The following ADAMTS3 variants were observed in gnomAD, a reference collection of about 807,000 sequenced individuals.
The protein encoded by ADAMTS3 is ADAM metallopeptidase with thrombospondin type 1 motif 3, also known as A disintegrin and metalloproteinase with thrombospondin motifs 3.
In ADAMTS3, 73 loss-of-function variants were observed where a neutral mutation model predicts 129.0. The ratio of observed to expected loss-of-function variants is 0.57; its 90% CI spans 0.47 to 0.69. ADAMTS3 has a LOEUF of 0.69. Among genes scored for constraint, ADAMTS3 ranks in the 30% least tolerant of loss-of-function variants. The pLI is 0.00. For synonymous variants in ADAMTS3, 477 were observed against 510.8 expected (o/e 0.93, Z 0.89); for missense variants, 1,457 against 1,514.5 (o/e 0.96, Z 0.63).
At chr4:72,344,091 G>A (rs1340763493) in intron 4 of ADAMTS3, among the ~76,000 whole-genome samples, 1 of 152,076 alleles carries the variant, frequency 6.6e-6, no homozygotes, top group Non-Finnish European at 1.5e-5. Context: ...GAATTTTTGA[G>A]AGGCATATAG....
intron 10 of ADAMTS3, among the ~76,000 whole-genome samples, chr4:72,317,588 CG>C (rs1560470002): frequency 5.3e-5 from 8 of 151,480 alleles, no homozygotes; most frequent in African/African-American, 1.9e-4. Flanking sequence ...AACATATATA[CG>C]TGCCTTTCTT....
intron 4 of ADAMTS3, among the ~76,000 whole-genome samples, chr4:72,406,734 A>T (rs1442012761): frequency 6.6e-6 from 1 of 152,168 alleles, no homozygotes; most frequent in Non-Finnish European, 1.5e-5. Flanking sequence ...ACAAATCCAA[A>T]TAAAGTAGGG....
intron 3 of ADAMTS3, among the ~76,000 whole-genome samples, chr4:72,483,486 T>C (rs1239067820): frequency 2.0e-5 from 3 of 152,154 alleles, no homozygotes; most frequent in East Asian, 1.9e-4. Flanking sequence ...TTTCTCTTTT[T>C]CCAAAAGAGT....
intron 12 of ADAMTS3, among the ~76,000 whole-genome samples, chr4:72,313,471 G>A (rs1049806154): frequency 5.9e-5 from 9 of 152,172 alleles, no homozygotes; most frequent in Middle Eastern, 3.4e-3. Context: ...TTCAATCTTC[G>A]TTTGATCTTC....
At chr4:72,490,299 G>A (rs538532522) in intron 3 of ADAMTS3, among the ~76,000 whole-genome samples, 2 of 151,956 alleles carry the variant, frequency 1.3e-5, no homozygotes, top group Admixed American at 6.6e-5. Context: ...CTCCCATTCT[G>A]TTGGTTATCT....
chr4:72,433,721 TAGTA>T (rs1438070469), intron 3 of ADAMTS3, among the ~76,000 whole-genome samples: 2 of 151,892 alleles, frequency 1.3e-5, no homozygotes, highest in African/African-American at 4.8e-5. Context: ...ATCTTGGTAA[TAGTA>T]AGCTTACATA....
chr4:72,399,390 G>A (rs1721815331), intron 4 of ADAMTS3, among the ~76,000 whole-genome samples: 1 of 152,110 alleles, frequency 6.6e-6, no homozygotes, highest in South Asian at 2.1e-4. Context: ...CTATGATTAT[G>A]CCACCGCACT....
chr4:72,283,796 G>C, intron 21 of ADAMTS3, 92 bp from the exon 22 acceptor site: 1 of 1,118,512 alleles, frequency 8.9e-7, no homozygotes, highest in Admixed American at 2.8e-5. Flanking sequence ...AATGTAAAAA[G>C]ATTTAAGTGC....
At chr4:72,366,227 T>C (rs1432234909) in intron 4 of ADAMTS3, among the ~76,000 whole-genome samples, 1 of 152,240 alleles carries the variant, frequency 6.6e-6, no homozygotes, top group Admixed American at 6.5e-5. Flanking sequence ...AACCAGTATG[T>C]GCTGAGTACT....
intron 19 of ADAMTS3, among the ~76,000 whole-genome samples, chr4:72,293,278 A>G (rs1718723346): frequency 6.6e-6 from 1 of 152,114 alleles, no homozygotes; most frequent in Non-Finnish European, 1.5e-5. Flanking sequence ...TAACTAATGA[A>G]AAGTCTGTTT....
intron 5 of ADAMTS3, among the ~76,000 whole-genome samples, chr4:72,338,560 T>C (rs193241725): frequency 6.6e-6 from 1 of 152,168 alleles, no homozygotes; most frequent in East Asian, 1.9e-4. Flanking sequence ...TCTCCTTCAC[T>C]ATCATTGCTT....
chr4:72,414,876 G>A lies in ADAMTS3; in HGVS notation c.600C>T (p.Val200=), dbSNP rs959711267. 5 of 1,581,012 alleles carry A rather than the reference G, an allele frequency of 3.2e-6. No individual in the cohort carries two copies. In the Admixed American group the frequency reaches 7.3e-5, roughly 23 times the overall value. The change falls in exon 4 of 22, where the codon GTC becomes GTT. Residue 200 remains valine (V), a synonymous_variant. Transcript: ENST00000286657. The part of the protein sequence containing the change: ...MEEEKGRIHV[V]YKRSAVEQAP... ...CCTGTTCTACAGCTGATCTCTTGTA[G>A]ACAACATGAATCCTTCCTTTTTCTT...
At chr4:72,384,117 A>G (rs1382341563) in intron 4 of ADAMTS3, among the ~76,000 whole-genome samples, 1 of 152,152 alleles carries the variant, frequency 6.6e-6, no homozygotes, top group Non-Finnish European at 1.5e-5. Flanking sequence ...AAATATCCAA[A>G]AAGAAGAAAG....
intron 4 of ADAMTS3, among the ~76,000 whole-genome samples, chr4:72,380,759 G>A (rs1231647366): frequency 1.3e-5 from 2 of 152,078 alleles, no homozygotes; most frequent in African/African-American, 4.8e-5. Context: ...GCAGAAAGTG[G>A]CAGTCATCTC....
chr4:72,457,996 T>C (rs1400832032), intron 3 of ADAMTS3, among the ~76,000 whole-genome samples: 2 of 151,556 alleles, frequency 1.3e-5, no homozygotes, highest in African/African-American at 4.8e-5. Context: ...CCCCTGGCAC[T>C]GATTTTCTGC....
At chr4:72,291,139 C>A in intron 19 of ADAMTS3, 77 bp from the exon 20 acceptor site, 2 of 1,493,868 alleles carry the variant, frequency 1.3e-6, no homozygotes, top group Non-Finnish European at 1.8e-6. Flanking sequence ...AAAGCCTAGA[C>A]TTTTCTGCTC....
intron 4 of ADAMTS3, among the ~76,000 whole-genome samples, chr4:72,406,291 C>T (rs1465082316): frequency 6.6e-6 from 1 of 152,120 alleles, no homozygotes; most frequent in Non-Finnish European, 1.5e-5. Context: ...CCTACTTGGC[C>T]AGCCACAGGA....
At chr4:72,504,737 ATAT>A (rs1313304733) in intron 3 of ADAMTS3, among the ~76,000 whole-genome samples, 1 of 152,192 alleles carries the variant, frequency 6.6e-6, no homozygotes, top group Admixed American at 6.5e-5. Flanking sequence ...ACAAGATCCC[ATAT>A]TTCTCAAATG....
At position 72,283,651 on chromosome 4, in the gene ADAMTS3, G is replaced by C; in HGVS notation, c.3103C>G (p.Arg1035Gly). 1 of 1,612,064 alleles carries C rather than the reference G, an allele frequency of 6.2e-7. No homozygotes were observed. Among genetic ancestry groups the C allele is most frequent in the South Asian group, 1.1e-5 (1 of 90,892 alleles). Residue 1035 changes from arginine (R) to glycine (G), a missense_variant, in exon 22 of 22, where the codon CGA becomes GGA. Coordinates refer to ENST00000286657, the MANE Select transcript of ADAMTS3 (RefSeq NM_014243.3). The part of the protein sequence containing the change: ...SIFCQMEVLA[R>G]YCSIPGYNKL... ...TTATAACCTGGTATGGAGCAGTATCGTGCCAACACTTCCATTTGACAGAAT... is the reference window on the plus strand; with the variant it reads ...TTATAACCTGGTATGGAGCAGTATCCTGCCAACACTTCCATTTGACAGAAT...
Sources: gnomAD v4.1 joint callset for allele counts (sites outside exome capture counted in the v4.1 genomes callset) on GRCh38, gnomAD v4.1.1 for gene constraint, MANE v1.5 for transcripts, NCBI Gene and HGNC (gene_info 2026-07-23, HGNC 2026-07-21) for gene names.